Variants in PDE4D observed in about 807,000 individuals in gnomAD.
PDE4D encodes 3',5'-cyclic-AMP phosphodiesterase 4D.
Under a neutral mutation model 87.4 loss-of-function variants are expected in PDE4D, and 24 were observed. That is an observed-to-expected ratio of 0.27 (90% confidence interval 0.20 to 0.39). The LOEUF is 0.39. Ranked by LOEUF, PDE4D falls within the 10% of genes least tolerant of loss-of-function variation. The pLI, the probability that PDE4D is intolerant of heterozygous loss-of-function variation, is 1.00. For missense variants in PDE4D, 714 were observed against 1,041.0 expected (o/e 0.69, Z 4.32); for synonymous variants, 384 against 383.2 (o/e 1.00, Z -0.02).
chr5:59,256,667 T>G (rs1350820462), intron 1 of PDE4D, among the ~76,000 whole-genome samples: 1 of 152,042 alleles, frequency 6.6e-6, no homozygotes, highest in Non-Finnish European at 1.5e-5. Flanking sequence ...GATGCATTCC[T>G]CCTTTTCCTT....
intron 1 of PDE4D, among the ~76,000 whole-genome samples, chr5:60,339,723 G>T (rs2149893717): frequency 6.6e-6 from 1 of 152,246 alleles, no homozygotes; most frequent in South Asian, 2.1e-4. Flanking sequence ...TATTCTCTGT[G>T]TGTCTTCTGG....
chr5:59,530,488 C>T (rs73099606), intron 1 of PDE4D, among the ~76,000 whole-genome samples: 12,967 of 152,026 alleles, frequency 0.085, 1,585 homozygotes, highest in African/African-American at 0.27. Context: ...TACTTTAAAG[C>T]ATCTCCAGAT....
Position 58,972,757 on chromosome 5 carries a change from G to A in PDE4D, c.*1907C>T, listed in dbSNP as rs974365721. ...ATAAAGTCAGAATTAAATGCCCCAT[G>A]ATGCCAACTGCTATAATCAGGTAAA... On this transcript the variant is annotated 3_prime_UTR_variant, in exon 15 of 15. Coordinates refer to ENST00000340635, the MANE Select transcript of PDE4D (RefSeq NM_001104631.2). 1 of 152,164 alleles carries A rather than the reference G, an allele frequency of 6.6e-6. No homozygotes were observed. Among genetic ancestry groups the A allele is most frequent in the Non-Finnish European group, 1.5e-5 (1 of 68,036 alleles). The allele number at this position is 152,164 out of a possible 1,614,324, so 9.4% of individuals were successfully genotyped here. A position where few individuals can be genotyped will look rare whatever the true frequency, so the allele number is the denominator to read the frequency against.
At chr5:60,317,723 T>G (rs982144667) in intron 1 of PDE4D, among the ~76,000 whole-genome samples, 1 of 152,252 alleles carries the variant, frequency 6.6e-6, no homozygotes, top group African/African-American at 2.4e-5. Context: ...ACATCTTTAT[T>G]TCTGCCTTCA....
intron 1 of PDE4D, among the ~76,000 whole-genome samples, chr5:60,194,254 T>C (rs1322789695): frequency 2.6e-5 from 4 of 151,690 alleles, no homozygotes; most frequent in Non-Finnish European, 5.9e-5. Context: ...CTAAAGATCC[T>C]AGACCTCCAT....
chr5:60,289,818 C>T (rs1417519316), intron 1 of PDE4D, among the ~76,000 whole-genome samples: 2 of 152,032 alleles, frequency 1.3e-5, no homozygotes, highest in African/African-American at 4.8e-5. Flanking sequence ...CCAGGAAACC[C>T]CAACTAAAAT....
At chr5:59,714,066 C>T (rs545003178) in intron 1 of PDE4D, among the ~76,000 whole-genome samples, 2 of 152,244 alleles carry the variant, frequency 1.3e-5, no homozygotes, top group South Asian at 4.1e-4. Flanking sequence ...GCCAGAGACC[C>T]CTGCTTGGTC....
chr5:59,072,947 G>A (rs1765091388), intron 5 of PDE4D, among the ~76,000 whole-genome samples: 1 of 152,158 alleles, frequency 6.6e-6, no homozygotes, highest in South Asian at 2.1e-4. Context: ...TAGAATGTAT[G>A]CAGGTCATGA....
chr5:59,740,782 T>G (rs1168794364), intron 1 of PDE4D, among the ~76,000 whole-genome samples: 1 of 152,108 alleles, frequency 6.6e-6, no homozygotes, highest in African/African-American at 2.4e-5. Flanking sequence ...CCTTTTAAAT[T>G]AGAGGAAACT....
rs117255211 is a variant in PDE4D, at chr5:59,832,682, C to T, written c.455+60486G>A. Among the ~76,000 whole-genome samples, 116 of 152,080 alleles carry T rather than the reference C, an allele frequency of 7.6e-4. 2 individuals carry two copies. In the East Asian group the frequency reaches 0.02, roughly 27 times the overall value. ...AAAAGCCTAAACATTTATGTAAAGGCAACTTCTAATCTCATTTTTAAAGTT... is the reference window on the plus strand; with the variant it reads ...AAAAGCCTAAACATTTATGTAAAGGTAACTTCTAATCTCATTTTTAAAGTT... On this transcript the variant is annotated intron_variant, in intron 1 of 14. Transcript: ENST00000340635.
At chr5:60,414,208 T>C (rs1014256102) in intron 1 of PDE4D, among the ~76,000 whole-genome samples, 2 of 152,232 alleles carry the variant, frequency 1.3e-5, no homozygotes, top group Non-Finnish European at 2.9e-5. Context: ...TTATACCAAT[T>C]ATATACCATT....
intron 1 of PDE4D, among the ~76,000 whole-genome samples, chr5:59,321,898 G>A (rs1413338752): frequency 6.6e-6 from 1 of 152,114 alleles, no homozygotes; most frequent in African/African-American, 2.4e-5. Flanking sequence ...GTCTGCTCAA[G>A]TACTAGGATT....
chr5:59,674,576 T>C (rs1429803030), intron 1 of PDE4D, among the ~76,000 whole-genome samples: 1 of 152,214 alleles, frequency 6.6e-6, no homozygotes, highest in Non-Finnish European at 1.5e-5. Context: ...AGTGGCACCT[T>C]ATTTGATATT....
chr5:59,080,899 G>C (rs1438222621), intron 5 of PDE4D, among the ~76,000 whole-genome samples: 1 of 152,056 alleles, frequency 6.6e-6, no homozygotes, highest in Non-Finnish European at 1.5e-5. Context: ...GACTAACTAG[G>C]TAAAATCTTC....
At chr5:60,136,216 G>A (rs763487107) in intron 2 of PDE4D, among the ~76,000 whole-genome samples, 3 of 152,034 alleles carry the variant, frequency 2.0e-5, no homozygotes, top group African/African-American at 7.2e-5. Flanking sequence ...AGGTCTTTCT[G>A]TACTTGCGCT....
intron 2 of PDE4D, among the ~76,000 whole-genome samples, chr5:60,101,817 T>C (rs568458892): frequency 1.3e-5 from 2 of 152,278 alleles, no homozygotes; most frequent in East Asian, 1.9e-4. Flanking sequence ...TTTATGGTGA[T>C]AGAGCAAACA....
chr5:58,972,407 A>AGAG lies in PDE4D; in HGVS notation c.*2254_*2256dup, dbSNP rs1742769620. The AGAG allele has an allele frequency of 6.6e-6, 1 of 152,592 alleles. No homozygotes were observed. Among genetic ancestry groups the AGAG allele is most frequent in the African/African-American group, 2.4e-5 (1 of 41,446 alleles). 9.5% of individuals were successfully genotyped at this position (152,592 alleles called of 1,614,324 possible). On this transcript the variant is annotated 3_prime_UTR_variant, in exon 15 of 15. Transcript: ENST00000340635. ...CCTCTTCTGCTTTATGTAAAAGATCAGAGTTATAAAGACATAATTTTTATT... is the reference window on the plus strand; with the variant it reads ...CCTCTTCTGCTTTATGTAAAAGATCAGAGGAGTTATAAAGACATAATTTTTATT...
intron 1 of PDE4D, among the ~76,000 whole-genome samples, chr5:59,756,202 CA>C (rs1761193450): frequency 6.6e-6 from 1 of 151,376 alleles, no homozygotes. Flanking sequence ...GCAAATTTCT[CA>C]AAATCTTGAC....
intron 11 of PDE4D, among the ~76,000 whole-genome samples, chr5:58,982,824 C>T (rs903924291): frequency 1.3e-5 from 2 of 152,120 alleles, no homozygotes; most frequent in African/African-American, 4.8e-5. Flanking sequence ...GGCTAGGGAA[C>T]CAAGTTGACT....
Sources: gnomAD v4.1 joint callset for allele counts (sites outside exome capture counted in the v4.1 genomes callset) on GRCh38, gnomAD v4.1.1 for gene constraint, MANE v1.5 for transcripts, NCBI Gene and HGNC (gene_info 2026-07-23, HGNC 2026-07-21) for gene names.